The following TUSC3 variants were observed in gnomAD, a reference collection of about 807,000 sequenced individuals.
The protein encoded by TUSC3 is tumor suppressor candidate 3, also known as dolichyl-diphosphooligosaccharide--protein glycosyltransferase subunit TUSC3.
Under a neutral mutation model 44.8 loss-of-function variants are expected in TUSC3, and 45 were observed. The observed-to-expected ratio is 1.00, with a 90% CI of 0.79 to 1.29. TUSC3 has a LOEUF of 1.29. TUSC3 is among the 50% of genes most tolerant of loss of function. The probability of loss-of-function intolerance (pLI) is 0.00; values close to 1 mark genes in which losing one functional copy is unlikely to be tolerated. For synonymous variants in TUSC3, 212 were observed against 152.9 expected (o/e 1.39, Z -2.85); for missense variants, 519 against 437.9 (o/e 1.19, Z -1.65).
intron 6 of TUSC3, among the ~76,000 whole-genome samples, chr8:15,726,529 G>A (rs1291826951): frequency 6.6e-6 from 1 of 152,114 alleles, no homozygotes; most frequent in Non-Finnish European, 1.5e-5. Flanking sequence ...AATGGGGCCA[G>A]GTGCGGTGGC....
chr8:15,442,038 T>C (rs1204087950), intron 1 of TUSC3, among the ~76,000 whole-genome samples: 1 of 152,334 alleles, frequency 6.6e-6, no homozygotes, highest in East Asian at 1.9e-4. Context: ...TATAACTGAC[T>C]GGGCTTCCTT....
rs115614893 is a variant in TUSC3, at chr8:15,449,765, C to A, written n.91+32460C>A. On this transcript the variant is annotated intron_variant and non_coding_transcript_variant, in intron 1 of 5. Coordinates refer to the TUSC3 transcript ENST00000503191. ...TTCATCACTCACTCACTGACTTAGG[C>A]AGAGCAGCTTTCAGTCCTGCAAATT... Among the ~76,000 whole-genome samples, 1,037 of 152,262 alleles carry A rather than the reference C, an allele frequency of 6.8e-3. 8 individuals are homozygous for A. The highest frequency in any genetic ancestry group is 0.023 in the African/African-American group (969 of 41,544).
At chr8:15,465,218 T>G (rs1800399021) in intron 1 of TUSC3, among the ~76,000 whole-genome samples, 1 of 152,192 alleles carries the variant, frequency 6.6e-6, no homozygotes, top group South Asian at 2.1e-4. Context: ...GTATCATTAT[T>G]TTGTGTAACT....
At chr8:15,801,872 C>T in the TUSC3 span, among the ~76,000 whole-genome samples, 4 of 152,250 alleles carry the variant, frequency 2.6e-5, no homozygotes, top group East Asian at 1.9e-4. Flanking sequence ...TGAAGGCTAT[C>T]GTGGGGATTT....
At chr8:15,572,351 A>T (rs906802102) in intron 1 of TUSC3, among the ~76,000 whole-genome samples, 1 of 152,102 alleles carries the variant, frequency 6.6e-6, no homozygotes, top group African/African-American at 2.4e-5. Context: ...TTTCTTCTGT[A>T]GCTTCCTTTC....
At chr8:15,659,754 C>T (rs1208313513) in intron 4 of TUSC3, 107 bp downstream of exon 4, 5 of 1,440,160 alleles carry the variant, frequency 3.5e-6, no homozygotes, top group Non-Finnish European at 9.6e-7. Context: ...ATGGTTGTTT[C>T]TCCTTGCATA....
At chr8:15,570,344 C>T (rs1037930438) in intron 1 of TUSC3, among the ~76,000 whole-genome samples, 3 of 151,440 alleles carry the variant, frequency 2.0e-5, no homozygotes, top group African/African-American at 7.3e-5. Flanking sequence ...ACTAAGTTTT[C>T]TAATGTTGCT....
chr8:15,520,689 T>A (rs1185938687), intron 2 of TUSC3, among the ~76,000 whole-genome samples: 1 of 152,202 alleles, frequency 6.6e-6, no homozygotes, highest in East Asian at 1.9e-4. Flanking sequence ...TCCTCATGCA[T>A]TCATATTTCT....
At chr8:15,808,330 T>G in the TUSC3 span, among the ~76,000 whole-genome samples, 3 of 152,170 alleles carry the variant, frequency 2.0e-5, no homozygotes, top group African/African-American at 7.2e-5. Context: ...AAGAATATAA[T>G]TGTTTAAAAA....
At chr8:15,636,116 C>G (rs1204352965) in intron 2 of TUSC3, among the ~76,000 whole-genome samples, 4 of 152,052 alleles carry the variant, frequency 2.6e-5, no homozygotes, top group Non-Finnish European at 5.9e-5. Context: ...TGAGTTCTGC[C>G]CACTGAGCAG....
chr8:15,806,143 A>G, the TUSC3 span: 6 of 453,604 alleles, frequency 1.3e-5, no homozygotes, highest in Non-Finnish European at 2.6e-5. Flanking sequence ...CTAGATGAGC[A>G]GTTTTAGCAC....
At chr8:15,496,273 GT>G (rs1800879027) in intron 2 of TUSC3, among the ~76,000 whole-genome samples, 1 of 152,102 alleles carries the variant, frequency 6.6e-6, no homozygotes, top group African/African-American at 2.4e-5. Flanking sequence ...TTTAACATAT[GT>G]TCTGCCCTCT....
intron 6 of TUSC3, among the ~76,000 whole-genome samples, chr8:15,698,051 A>G (rs1809244824): frequency 6.6e-6 from 1 of 152,174 alleles, no homozygotes; most frequent in African/African-American, 2.4e-5. Flanking sequence ...TTTAAAAACA[A>G]TTTAAAATAT....
chr8:15,468,335 A>G (rs760481696), intron 1 of TUSC3, among the ~76,000 whole-genome samples: 1 of 152,178 alleles, frequency 6.6e-6, no homozygotes, highest in Non-Finnish European at 1.5e-5. Context: ...AAGAGTGTTC[A>G]TTTCACTACT....
intron 1 of TUSC3, among the ~76,000 whole-genome samples, chr8:15,580,989 C>G (rs1803304370): frequency 1.1e-5 from 1 of 88,272 alleles, no homozygotes; most frequent in Non-Finnish European, 2.1e-5. Context: ...TCACATAGTC[C>G]CATATTTCTT....
chr8:15,683,036 T>TC (rs1295893684), intron 6 of TUSC3, among the ~76,000 whole-genome samples: 1 of 152,204 alleles, frequency 6.6e-6, no homozygotes, highest in Non-Finnish European at 1.5e-5. Context: ...CTGATGAGGT[T>TC]CCCTTCAGAG....
intron 9 of TUSC3, among the ~76,000 whole-genome samples, chr8:15,755,795 G>A (rs1381184329): frequency 6.6e-6 from 1 of 152,052 alleles, no homozygotes; most frequent in Non-Finnish European, 1.5e-5. Flanking sequence ...TTCAGTAGTA[G>A]CAATGAATTC....
chr8:15,645,559 A>G (rs1806587928), intron 2 of TUSC3, among the ~76,000 whole-genome samples: 1 of 152,070 alleles, frequency 6.6e-6, no homozygotes, highest in Non-Finnish European at 1.5e-5. Flanking sequence ...TAGAGTGCTT[A>G]TCTATTCTTT....
At chr8:15,445,319 T>A (rs183478816) in intron 1 of TUSC3, among the ~76,000 whole-genome samples, 9 of 152,234 alleles carry the variant, frequency 5.9e-5, no homozygotes, top group South Asian at 4.1e-4. Flanking sequence ...GATTTTATTT[T>A]TTTTTTTTTT....
Sources: gnomAD v4.1 joint callset for allele counts (sites outside exome capture counted in the v4.1 genomes callset) on GRCh38, gnomAD v4.1.1 for gene constraint, MANE v1.5 for transcripts, NCBI Gene and HGNC (gene_info 2026-07-23, HGNC 2026-07-21) for gene names.